The following SLC25A33 variants were observed in gnomAD, a reference collection of about 807,000 sequenced individuals.
SLC25A33 encodes the protein bone marrow stromal cell mitochondrial carrier protein.
SLC25A33 carries 15 observed loss-of-function variants against 35.5 expected under a neutral mutation model. The observed-to-expected ratio is 0.42, with a 90% CI of 0.28 to 0.65. The LOEUF is 0.65. SLC25A33 is among the 30% of genes least tolerant of loss of function. The probability of loss-of-function intolerance (pLI) is 0.20; values close to 1 mark genes in which losing one functional copy is unlikely to be tolerated. For synonymous variants in SLC25A33, 136 were observed against 148.7 expected (o/e 0.91, Z 0.62); for missense variants, 257 against 398.5 (o/e 0.64, Z 3.02).
rs1234101658 is a variant in SLC25A33 at position 9,573,544 on chromosome 1, C to T, written c.482+132C>T. 4.3e-5 allele frequency: 30 copies of T among 703,732 alleles called. No homozygotes were observed. The Admixed American group carries it at 6.1e-4, about 14-fold the overall frequency. 43.6% of individuals were successfully genotyped at this position (703,732 alleles called of 1,614,324 possible). On this transcript the variant is annotated intron_variant, in intron 5 of 6. Coordinates refer to ENST00000302692, the MANE Select transcript of SLC25A33 (RefSeq NM_032315.3). ...TCCTCGTTTCCTTAATCTAAGTGCA[C>T]GCAGGATTCCTTTTGTGTTGAGGTT...
chr1:9,541,263 C>T lies in SLC25A33; in HGVS notation c.56+1516C>T, dbSNP rs376314536. Among the ~76,000 whole-genome samples the T allele has an allele frequency of 4.4e-3, 675 of 152,000 alleles. 8 individuals carry two copies. The highest frequency in any genetic ancestry group is 0.016 in the African/African-American group (650 of 41,456). On this transcript the variant is annotated intron_variant, in intron 1 of 6. Coordinates refer to ENST00000302692, the MANE Select transcript of SLC25A33 (RefSeq NM_032315.3). ...CCGCCTCCCGGGTTCACGCCATTCT[C>T]CTGTCTCAGCCTCCCGAGTAGCTGG...
intron 2 of SLC25A33, among the ~76,000 whole-genome samples, chr1:9,560,094 A>C (rs1643399939): frequency 1.3e-5 from 2 of 152,124 alleles, no homozygotes; most frequent in Admixed American, 6.5e-5. Flanking sequence ...TCTACTAAAA[A>C]TACAAAAACC....
At chr1:9,580,848 CTG>C (rs1156695688) in intron 6 of SLC25A33, among the ~76,000 whole-genome samples, 11 of 133,436 alleles carry the variant, frequency 8.2e-5, no homozygotes, top group African/African-American at 3.6e-4. Context: ...GAGCGAGACT[CTG>C]TCTCAAAAAA....
At position 9,551,264 on chromosome 1, in the gene SLC25A33, T is replaced by G. The variant is rs1284338351; in HGVS notation, c.57-2362T>G. ...AGCTGGGACCTGTAGTCCCAACTAC[T>G]CAGGAGGCTGAGGCATGACAATTGC... On this transcript the variant is annotated intron_variant, in intron 1 of 6. Transcript: ENST00000302692. 2.6e-5 allele frequency among the ~76,000 whole-genome samples: 4 copies of G among 151,988 alleles called. No homozygotes were observed. In the East Asian group the frequency reaches 7.8e-4, roughly 30 times the overall value.
At position 9,579,993 on chromosome 1, in the gene SLC25A33, T is replaced by C. The variant is rs1240599302; in HGVS notation, c.522T>C (p.Ala174=). The C allele has an allele frequency of 6.2e-7, 1 of 1,613,518 alleles. No homozygotes were observed. Reference sequence around the variant, plus strand: ...AGCAGATGAATACACTCCAGTGTGCTCGTTACGTTTACCAGACCGAAGGCA... The same window carrying C: ...AGCAGATGAATACACTCCAGTGTGCCCGTTACGTTTACCAGACCGAAGGCA... The part of the protein sequence containing the change: ...GSKQMNTLQC[A]RYVYQTEGIR... The change falls in exon 6 of 7, where the codon GCT becomes GCC. Residue 174 remains alanine (A), a synonymous_variant. Coordinates refer to ENST00000302692, the MANE Select transcript of SLC25A33 (RefSeq NM_032315.3).
intron 3 of SLC25A33, 23 bp from the exon 4 acceptor site, chr1:9,570,235 T>C: frequency 6.2e-7 from 1 of 1,601,068 alleles, no homozygotes; most frequent in African/African-American, 1.3e-5. Flanking sequence ...GATTTCTTTA[T>C]AATGTTCTCT....
Position 9,582,489 on chromosome 1 carries a change from C to T in SLC25A33, c.954C>T (p.Asp318=). ...TYELIVYLLE[D]RTQ is the part of the protein sequence containing the mutation. ...AGTTAATTGTGTACCTGTTAGAAGA[C>T]CGTACTCAGTAACAGGCCGGAAAAT... Residue 318 remains aspartate, a synonymous_variant, in exon 7 of 7, where the codon GAC becomes GAT. Transcript: ENST00000302692. The surrounding 1 kb of genome is among the most constrained non-coding windows in gnomAD (Gnocchi z 4.0). 2 of 1,612,596 alleles carry T rather than the reference C, an allele frequency of 1.2e-6. No individual in the cohort carries two copies. Among genetic ancestry groups the T allele is most frequent in the African/African-American group, 1.3e-5 (1 of 74,976 alleles).
chr1:9,545,960 C>T (rs1262167920), intron 1 of SLC25A33, among the ~76,000 whole-genome samples: 3 of 151,076 alleles, frequency 2.0e-5, no homozygotes, highest in Non-Finnish European at 4.4e-5. Flanking sequence ...GAGACTCCGT[C>T]TAAAAAAACA....
At chr1:9,564,444 G>T (rs746805948) in intron 2 of SLC25A33, among the ~76,000 whole-genome samples, 9 of 151,876 alleles carry the variant, frequency 5.9e-5, no homozygotes, top group Non-Finnish European at 1.3e-4. Flanking sequence ...TCCAAAGCAA[G>T]GACTCAAACA....
chr1:9,583,863 C>A lies in SLC25A33; in HGVS notation c.*1362C>A, dbSNP rs1008769374. Reference sequence around the variant, plus strand: ...CAAAAAAATTGGCCATGCGTGGTGGCGGGCACCCATAGTCCCAGCTACTCG... The same window carrying A: ...CAAAAAAATTGGCCATGCGTGGTGGAGGGCACCCATAGTCCCAGCTACTCG... On this transcript the variant is annotated 3_prime_UTR_variant, in exon 7 of 7. Transcript: ENST00000302692. 36 of 152,136 alleles carry A rather than the reference C, an allele frequency of 2.4e-4. No individual in the cohort carries two copies. The highest frequency in any genetic ancestry group is 8.4e-4 in the African/African-American group (35 of 41,496). The allele number at this position is 152,136 out of a possible 1,614,324, so 9.4% of individuals were successfully genotyped here.
intron 1 of SLC25A33, among the ~76,000 whole-genome samples, chr1:9,544,063 C>T (rs967731070): frequency 6.6e-6 from 1 of 151,860 alleles, no homozygotes; most frequent in African/African-American, 2.4e-5. Context: ...TGAGATTGCT[C>T]CACTGCACTC....
chr1:9,564,775 T>G (rs1198733339), intron 2 of SLC25A33, among the ~76,000 whole-genome samples: 1 of 131,792 alleles, frequency 7.6e-6, no homozygotes, highest in Non-Finnish European at 1.6e-5. Flanking sequence ...TACACAAAAA[T>G]TAGCTGAGCG....
chr1:9,540,935 C>G (rs1459796321), intron 1 of SLC25A33, among the ~76,000 whole-genome samples: 1 of 152,092 alleles, frequency 6.6e-6, no homozygotes, highest in Admixed American at 6.6e-5. Flanking sequence ...CATCTCTTCC[C>G]TGTCATTCAT....
chr1:9,573,203 A>G, intron 4 of SLC25A33, 143 bp from the exon 5 acceptor site: 1 of 570,124 alleles, frequency 1.8e-6, no homozygotes, highest in Non-Finnish European at 3.1e-6. Context: ...TTCTATCTGC[A>G]GGATAGAAAT....
chr1:9,555,845 T>C (rs1442774904), intron 2 of SLC25A33, among the ~76,000 whole-genome samples: 2 of 152,128 alleles, frequency 1.3e-5, no homozygotes, highest in Non-Finnish European at 2.9e-5. Context: ...CCACGATGCC[T>C]GGCTAATTTT....
intron 1 of SLC25A33, among the ~76,000 whole-genome samples, chr1:9,542,963 A>G (rs1239869920): frequency 1.3e-5 from 2 of 151,018 alleles, no homozygotes; most frequent in South Asian, 2.1e-4. Flanking sequence ...GATTACAGGC[A>G]TGTGCCACCA....
At position 9,573,063 on chromosome 1, in the gene SLC25A33, A is replaced by G. The variant is rs944537346; in HGVS notation, c.416-283A>G. ...ACAGTTACAATTTTCAGTAGGAATC[A>G]CATTAACACAGATATCAACACCACC... is the stretch of plus-strand genomic sequence containing the variant. On this transcript the variant is annotated intron_variant, in intron 4 of 6. Transcript: ENST00000302692. Among the ~76,000 whole-genome samples, 12 of 152,182 alleles carry G rather than the reference A, an allele frequency of 7.9e-5. 1 individual carries two copies. Among genetic ancestry groups the G allele is most frequent in the Admixed American group, 7.2e-4 (11 of 15,272 alleles).
At chr1:9,573,607 G>A (rs1643619980) in intron 5 of SLC25A33, among the ~76,000 whole-genome samples, 195 bp downstream of exon 5, 1 of 152,160 alleles carries the variant, frequency 6.6e-6, no homozygotes, top group Non-Finnish European at 1.5e-5. Flanking sequence ...GGGCGACAGA[G>A]ATGACAAACA....
intron 5 of SLC25A33, chr1:9,576,721 G>A: frequency 2.6e-6 from 2 of 772,750 alleles, no homozygotes; most frequent in South Asian, 1.3e-5. Context: ...CACCGACATT[G>A]TTATCCAGGA....
Sources: allele counts gnomAD v4.1 joint callset (sites outside exome capture counted in the v4.1 genomes callset), GRCh38; gene constraint gnomAD v4.1.1; non-coding constraint Gnocchi (gnomAD v3.1); transcripts MANE v1.5; gene names NCBI Gene and HGNC (gene_info 2026-07-23, HGNC 2026-07-21).